The following CCDC148 variants were observed in gnomAD, a reference collection of about 807,000 sequenced individuals.
CCDC148 encodes the protein coiled-coil domain-containing protein 148.
Under a neutral mutation model 85.7 loss-of-function variants are expected in CCDC148, and 89 were observed. That is an observed-to-expected ratio of 1.04 (90% CI 0.87 to 1.24). The LOEUF is 1.24. Ranked by LOEUF, CCDC148 falls within the 50% of genes most tolerant of loss-of-function variation. The pLI is 0.00. For synonymous variants in CCDC148, 230 were observed against 213.9 expected (o/e 1.08, Z -0.66); for missense variants, 692 against 671.7 (o/e 1.03, Z -0.33).
chr2:158,423,489 G>A (rs1401735383), intron 1 of CCDC148, among the ~76,000 whole-genome samples: 4 of 152,154 alleles, frequency 2.6e-5, no homozygotes, highest in African/African-American at 9.7e-5. Context: ...TTAATAAATG[G>A]TGCTGGGAAA....
At chr2:158,455,343 G>C (rs1161520774) in intron 1 of CCDC148, among the ~76,000 whole-genome samples, 1 of 151,746 alleles carries the variant, frequency 6.6e-6, no homozygotes, top group Admixed American at 6.6e-5. Flanking sequence ...GTCCTACCCT[G>C]TGTAGGACTG....
intron 8 of CCDC148, among the ~76,000 whole-genome samples, chr2:158,312,355 G>A (rs1195427599): frequency 6.6e-6 from 1 of 151,254 alleles, no homozygotes; most frequent in Non-Finnish European, 1.5e-5. Context: ...AGGCCGAGGT[G>A]AGCGGATCAG....
intron 1 of CCDC148, among the ~76,000 whole-genome samples, chr2:158,433,821 T>G (rs1687496858): frequency 6.6e-6 from 1 of 152,178 alleles, no homozygotes. Context: ...CACCAGGAGA[T>G]TATATCCTGT....
At position 158,358,774 on chromosome 2, in the gene CCDC148, G is replaced by A. The variant is rs112751394; in HGVS notation, c.26-204C>T. ...TTATAATATAGCCACTTTATTTCTT[G>A]CACAGCATTACTTCTGAAAGGGTAC... On this transcript the variant is annotated intron_variant, in intron 1 of 13. Coordinates refer to ENST00000283233, the MANE Select transcript of CCDC148 (RefSeq NM_138803.4). 3.6e-3 allele frequency among the ~76,000 whole-genome samples: 547 copies of A among 151,706 alleles called. 3 individuals are homozygous for A. The highest frequency in any genetic ancestry group is 0.013 in the African/African-American group (524 of 41,402).
chr2:158,406,623 T>TC (rs372903099), intron 1 of CCDC148, among the ~76,000 whole-genome samples: 2,935 of 102,794 alleles, frequency 0.029, 222 homozygotes, highest in Non-Finnish European at 0.037. Context: ...CTTTTTTTTT[T>TC]TTTTTTTTTT....
intron 11 of CCDC148, among the ~76,000 whole-genome samples, chr2:158,183,615 G>A (rs945299453): frequency 6.6e-6 from 1 of 152,096 alleles, no homozygotes; most frequent in Non-Finnish European, 1.5e-5. Context: ...GCATAAAGAC[G>A]TATCTTCATT....
chr2:158,349,116 C>T (rs1400005265), intron 2 of CCDC148, among the ~76,000 whole-genome samples: 1 of 152,022 alleles, frequency 6.6e-6, no homozygotes, highest in African/African-American at 2.4e-5. Flanking sequence ...ATGACCATCA[C>T]ATCTAACTTG....
intron 1 of CCDC148, among the ~76,000 whole-genome samples, chr2:158,372,309 A>G (rs1226174620): frequency 6.6e-6 from 1 of 152,088 alleles, no homozygotes. Context: ...CTGACCAGAA[A>G]CTATGACTGG....
chr2:158,326,743 A>G lies in CCDC148; in HGVS notation c.764+11983T>C, dbSNP rs80096384. On this transcript the variant is annotated intron_variant, in intron 7 of 13. Transcript: ENST00000283233. ...AATACTCATATGGTTCAAAATTCAAAAAGTTTAATGAAAGAGGATACAATA... is the reference window on the plus strand; with the variant it reads ...AATACTCATATGGTTCAAAATTCAAGAAGTTTAATGAAAGAGGATACAATA... Among the ~76,000 whole-genome samples the G allele has an allele frequency of 7.4e-3, 1,128 of 152,286 alleles. 19 individuals are homozygous for G. The highest frequency in any genetic ancestry group is 0.026 in the African/African-American group (1,074 of 41,564).
At chr2:158,430,412 A>G (rs1033645704) in intron 1 of CCDC148, among the ~76,000 whole-genome samples, 4 of 152,208 alleles carry the variant, frequency 2.6e-5, no homozygotes, top group Non-Finnish European at 4.4e-5. Flanking sequence ...AACATTTACA[A>G]CATCCTGTAT....
intron 1 of CCDC148, among the ~76,000 whole-genome samples, chr2:158,442,465 C>T (rs1420787562): frequency 6.6e-6 from 1 of 152,160 alleles, no homozygotes; most frequent in African/African-American, 2.4e-5. Context: ...ACGTTTCAAA[C>T]AGGAAATGTA....
intron 10 of CCDC148, among the ~76,000 whole-genome samples, chr2:158,249,107 A>G (rs1521864): frequency 0.2 from 31,107 of 152,052 alleles, 3,374 homozygotes; most frequent in Non-Finnish European, 0.23. Context: ...AATTAATTGT[A>G]CCGACTCCCA....
At chr2:158,188,016 C>T (rs1238895867) in intron 11 of CCDC148, among the ~76,000 whole-genome samples, 3 of 151,936 alleles carry the variant, frequency 2.0e-5, no homozygotes, top group African/African-American at 7.3e-5. Flanking sequence ...TAGGAACCAA[C>T]CTGATGACAT....
chr2:158,214,245 T>C (rs1471514982), intron 11 of CCDC148, among the ~76,000 whole-genome samples: 1 of 152,088 alleles, frequency 6.6e-6, no homozygotes, highest in Non-Finnish European at 1.5e-5. Flanking sequence ...ATTAGCATTT[T>C]AACTTTTATA....
chr2:158,250,689 T>G, intron 10 of CCDC148, 83 bp downstream of exon 10: 1 of 1,440,016 alleles, frequency 6.9e-7, no homozygotes, highest in South Asian at 1.5e-5. Flanking sequence ...TATGAGAATT[T>G]CATGCCAAAC....
chr2:158,404,748 A>C (rs1221833777), intron 1 of CCDC148, among the ~76,000 whole-genome samples: 1 of 152,160 alleles, frequency 6.6e-6, no homozygotes, highest in Non-Finnish European at 1.5e-5. Context: ...GAAGGCAGTA[A>C]CCTGCATAGT....
intron 1 of CCDC148, among the ~76,000 whole-genome samples, chr2:158,381,515 T>G (rs1049490991): frequency 1.3e-5 from 2 of 152,116 alleles, no homozygotes; most frequent in Admixed American, 1.3e-4. Flanking sequence ...ACACAGCTGG[T>G]GGGAGTGTAA....
intron 1 of CCDC148, among the ~76,000 whole-genome samples, chr2:158,410,861 C>T (rs1207784792): frequency 6.6e-6 from 1 of 152,120 alleles, no homozygotes; most frequent in African/African-American, 2.4e-5. Context: ...AATTGAAGAA[C>T]TCCCTTAAGC....
At position 158,218,878 on chromosome 2, in the gene CCDC148, A is replaced by G. The variant is rs563262668; in HGVS notation, c.1370+1717T>C. Among the ~76,000 whole-genome samples the G allele has an allele frequency of 3.9e-5, 6 of 152,354 alleles. No individual in the cohort carries two copies. The East Asian group carries it at 1.2e-3, about 29-fold the overall frequency. On this transcript the variant is annotated intron_variant, in intron 11 of 13. Transcript: ENST00000283233. ...AGTTCTCTCAGTAACAGATTATACTAAACTCTAAAATCCTGAGCTACCTGG... is the reference window on the plus strand; with the variant it reads ...AGTTCTCTCAGTAACAGATTATACTGAACTCTAAAATCCTGAGCTACCTGG...
Sources: allele counts gnomAD v4.1 joint callset (sites outside exome capture counted in the v4.1 genomes callset), GRCh38; gene constraint gnomAD v4.1.1; transcripts MANE v1.5; gene names NCBI Gene and HGNC (gene_info 2026-07-23, HGNC 2026-07-21).